MACF1: variants seen among roughly 807,000 people sequenced by gnomAD.
The protein encoded by MACF1 is microtubule actin crosslinking factor 1, also known as microtubule-actin cross-linking factor 1.
MACF1 carries 193 observed loss-of-function variants against 854.8 expected under a neutral mutation model. The ratio of observed to expected loss-of-function variants is 0.23; its 90% confidence interval spans 0.20 to 0.25. MACF1 has a LOEUF of 0.25. Among genes scored for constraint, MACF1 ranks in the 10% least tolerant of loss-of-function variants. MACF1 has a pLI of 1.00. For missense variants in MACF1, 7,722 were observed against 8,929.1 expected (o/e 0.86, Z 5.45); for synonymous variants, 3,185 against 3,226.7 (o/e 0.99, Z 0.44).
Position 39,105,747 on chromosome 1 carries a change from C to T in MACF1, c.220+21309C>T. The T allele has an allele frequency of 9.0e-7, 1 of 1,109,632 alleles. No homozygotes were observed. Among genetic ancestry groups the T allele is most frequent in the Non-Finnish European group, 1.1e-6 (1 of 892,476 alleles). The allele number at this position is 1,109,632 out of a possible 1,614,324, so 68.7% of individuals were successfully genotyped here. ...GGCCGGGGACTGGCCGGCGCTGAGG[C>T]CCGCGGGCCGGCGCAGCGTGGCCTT... On this transcript the variant is annotated intron_variant, in intron 2 of 93. Coordinates refer to the MACF1 transcript ENST00000361689. The surrounding 1 kb of genome is among the most constrained non-coding windows in gnomAD (Gnocchi z 5.9).
chr1:39,410,440 A>G (rs1250544903), intron 58 of MACF1: 3 of 1,614,052 alleles, frequency 1.9e-6, no homozygotes, highest in Non-Finnish European at 2.5e-6. Context: ...CCAGACTTCA[A>G]AAAGCACCAT....
At chr1:39,452,074 C>A in intron 85 of MACF1, 82 bp from the exon 86 acceptor site, 1 of 1,239,732 alleles carries the variant, frequency 8.1e-7, no homozygotes, top group Non-Finnish European at 1.1e-6. Context: ...TTAGAACCTA[C>A]CAAGAAAATT....
chr1:39,185,794 A>G (rs1289159044), intron 2 of MACF1, among the ~76,000 whole-genome samples: 1 of 152,174 alleles, frequency 6.6e-6, no homozygotes. Context: ...TTAGTTAGCA[A>G]TATTCCTCCT....
At chr1:39,300,699 A>G (rs1646021314) in intron 22 of MACF1, among the ~76,000 whole-genome samples, 2 of 152,046 alleles carry the variant, frequency 1.3e-5, no homozygotes, top group African/African-American at 4.8e-5. Flanking sequence ...GTTTGTACTA[A>G]TTTGTAAATA....
intron 58 of MACF1, among the ~76,000 whole-genome samples, chr1:39,393,196 A>AATATATATATATATATAT (rs1553345251): frequency 1.1e-4 from 7 of 66,540 alleles, no homozygotes; most frequent in African/African-American, 1.7e-4. Flanking sequence ...AAAAAAAAAA[A>AATATATATATATATATAT]ATATATATAT....
chr1:39,329,936 CA>C (rs1646688328), intron 36 of MACF1, among the ~76,000 whole-genome samples: 8 of 152,180 alleles, frequency 5.3e-5, no homozygotes, highest in Admixed American at 5.2e-4. Context: ...TCTGGGAGGA[CA>C]AACAAGATTT....
At chr1:39,206,228 CAA>C (rs1223504454) in intron 1 of MACF1, among the ~76,000 whole-genome samples, 1 of 152,158 alleles carries the variant, frequency 6.6e-6, no homozygotes, top group African/African-American at 2.4e-5. Context: ...GCAGCGGAAA[CAA>C]AGACAGACAT....
In MACF1 at chr1:39,340,502, G is replaced by A. The variant is rs760837299; in HGVS notation, c.10216G>A (p.Val3406Ile). ...AGGTAACTCCACTTTATTCCCTCAG[G>A]TATTAGAAAGGGAGTTAAAGGATCT... ...ELQDLLCQAK[V>I]LERELKDLTT... Residue 3406 changes from valine (V) to isoleucine (I), a missense_variant and splice_region_variant, in exon 39 of 101, where the codon GTA becomes ATA. Transcript: ENST00000564288. 1.2e-6 allele frequency: 2 copies of A among 1,608,812 alleles called. No individual in the cohort carries two copies. Among genetic ancestry groups the A allele is most frequent in the Non-Finnish European group, 1.7e-6 (2 of 1,176,976 alleles).
chr1:39,355,743 C>T (rs769765082), intron 44 of MACF1, among the ~76,000 whole-genome samples: 5 of 152,062 alleles, frequency 3.3e-5, no homozygotes, highest in East Asian at 1.9e-4. Flanking sequence ...GGATTATAGG[C>T]GTGAGCCACT....
At chr1:39,299,334 T>C in intron 21 of MACF1, 1 of 455,442 alleles carries the variant, frequency 2.2e-6, no homozygotes, top group Non-Finnish European at 4.4e-6. Context: ...CATTATTAAC[T>C]CTTTACTCTC....
intron 90 of MACF1, 55 bp downstream of exon 90, chr1:39,458,545 G>A (rs575892528): frequency 1.3e-6 from 2 of 1,533,870 alleles, no homozygotes; most frequent in South Asian, 1.3e-5. Context: ...TTGAGGATGA[G>A]CACTTTCCAA....
chr1:39,233,007 T>TTGTTG (rs1644801651), intron 2 of MACF1, among the ~76,000 whole-genome samples: 4 of 139,514 alleles, frequency 2.9e-5, no homozygotes, highest in African/African-American at 7.8e-5. Flanking sequence ...CTTTCTTGTT[T>TTGTTG]TTGTTGTTGT....
intron 60 of MACF1, 121 bp downstream of exon 60, chr1:39,423,021 G>A (rs923772754): frequency 9.0e-5 from 73 of 814,258 alleles, no homozygotes; most frequent in South Asian, 5.9e-4. Flanking sequence ...ACTTTGTGTC[G>A]TCCTGAAAAG....
intron 20 of MACF1, among the ~76,000 whole-genome samples, chr1:39,296,136 T>C (rs1177814173): frequency 6.6e-6 from 1 of 152,206 alleles, no homozygotes; most frequent in Non-Finnish European, 1.5e-5. Flanking sequence ...TGGTCCCAAA[T>C]GGCATTGCTC....
intron 2 of MACF1, among the ~76,000 whole-genome samples, chr1:39,192,025 C>T (rs1644260241): frequency 6.6e-6 from 1 of 152,050 alleles, no homozygotes; most frequent in South Asian, 2.1e-4. Context: ...GTGGTGTATG[C>T]CTGTAATCCC....
chr1:39,410,588 T>A, intron 58 of MACF1: 1 of 1,614,038 alleles, frequency 6.2e-7, no homozygotes, highest in East Asian at 2.2e-5. Context: ...AGCAGTGATG[T>A]GCAGAAGTCA....
chr1:39,355,459 G>GT (rs1647462356), intron 44 of MACF1, among the ~76,000 whole-genome samples: 5 of 119,994 alleles, frequency 4.2e-5, no homozygotes. Context: ...TTTTTCTTCT[G>GT]CTTTTTTTTT....
chr1:39,335,793 G>A lies in MACF1; in HGVS notation c.9205G>A (p.Ala3069Thr). 1 of 1,614,100 alleles carries A rather than the reference G, an allele frequency of 6.2e-7. No homozygotes were observed. The highest frequency in any genetic ancestry group is 1.3e-5 in the African/African-American group (1 of 75,012). The change falls in exon 37 of 101, where the codon GCC becomes ACC. Residue 3069 changes from alanine to threonine, a missense_variant. Physicochemically the swap from Ala to Thr is moderately conservative, Grantham distance 58. This residue lies in a region of MACF1 where 854 missense variants were observed against 852.6 expected (regional missense o/e 1.00). Transcript: ENST00000564288. ...DALTLFSSKQ[A>T]NEGKVNNLSL... ...TTTAACACTCTTCAGCTCTAAACAG[G>A]CCAATGAAGGAAAAGTAAACAATTT...
At position 39,452,184 on chromosome 1, in the gene MACF1, C is replaced by T; in HGVS notation, c.20447C>T (p.Thr6816Ile). 1 of 1,608,108 alleles carries T rather than the reference C, an allele frequency of 6.2e-7. No individual in the cohort carries two copies. Among genetic ancestry groups the T allele is most frequent in the Non-Finnish European group, 8.5e-7 (1 of 1,177,540 alleles). ...TTCCAGAAGGAACTGGGAAAGCGAACAGGAACCGTTCAGGTCCTGAAGCGG... is the reference window on the plus strand; with the variant it reads ...TTCCAGAAGGAACTGGGAAAGCGAATAGGAACCGTTCAGGTCCTGAAGCGG... ...KVFQKELGKR[T>I]GTVQVLKRSG... The change falls in exon 86 of 101, where the codon ACA becomes ATA. Residue 6816 changes from threonine (T) to isoleucine (I), a missense_variant. By Grantham distance (89) the Thr-to-Ile change is moderately conservative. Coordinates refer to ENST00000564288, the MANE Select transcript of MACF1 (RefSeq NM_001394062.1).
Sources: gnomAD v4.1 joint callset for allele counts (sites outside exome capture counted in the v4.1 genomes callset) on GRCh38, gnomAD v4.1.1 for gene constraint, gnomAD v4.1.1 regional missense constraint, Gnocchi (gnomAD v3.1) non-coding constraint, MANE v1.5 for transcripts, NCBI Gene and HGNC (gene_info 2026-07-23, HGNC 2026-07-21) for gene names.